Variants in ZBTB7C observed in about 807,000 individuals in gnomAD.
ZBTB7C encodes zinc finger and BTB domain containing 7C.
ZBTB7C carries 8 observed loss-of-function variants against 25.7 expected under a neutral mutation model. The observed-to-expected ratio is 0.31, with a 90% CI of 0.18 to 0.56. ZBTB7C has a LOEUF of 0.56. Among genes scored for constraint, ZBTB7C ranks in the 20% least tolerant of loss-of-function variants. ZBTB7C has a pLI of 0.91. For synonymous variants in ZBTB7C, 394 were observed against 369.0 expected, an observed-to-expected ratio of 1.07 and a Z score of -0.78; for missense variants, 824 against 855.2, an observed-to-expected ratio of 0.96 and a Z score of 0.46.
chr18:48,164,810 A>G (rs9947155), intron 3 of ZBTB7C, among the ~76,000 whole-genome samples: 110,152 of 152,014 alleles, frequency 0.72, 40,478 homozygotes, highest in African/African-American at 0.84. Context: ...CCTACTGTAT[A>G]CTAGATACTG....
chr18:48,065,177 G>T (rs1294090697), intron 3 of ZBTB7C, among the ~76,000 whole-genome samples: 1 of 152,062 alleles, frequency 6.6e-6, no homozygotes, highest in Non-Finnish European at 1.5e-5. Context: ...CAGCTGGCTG[G>T]ACCCCGCTGC....
At chr18:48,265,644 T>G (rs8090905) in intron 2 of ZBTB7C, among the ~76,000 whole-genome samples, 52,740 of 152,050 alleles carry the variant, frequency 0.35, 9,514 homozygotes, top group Admixed American at 0.42. Flanking sequence ...ACTCACAATA[T>G]GAAGGACATG....
intron 3 of ZBTB7C, among the ~76,000 whole-genome samples, chr18:48,108,939 A>C (rs1246680247): frequency 2.0e-5 from 3 of 152,030 alleles, no homozygotes; most frequent in Non-Finnish European, 4.4e-5. Context: ...CTGTATGAAA[A>C]AGTGGGGAGA....
At chr18:48,077,622 G>A (rs1013847500) in intron 3 of ZBTB7C, among the ~76,000 whole-genome samples, 1 of 152,228 alleles carries the variant, frequency 6.6e-6, no homozygotes, top group African/African-American at 2.4e-5. Context: ...GGTCACCAAA[G>A]AGGGTAGCTG....
Position 48,339,710 on chromosome 18 carries a change from T to TG in ZBTB7C, c.-303-1313dup, listed in dbSNP as rs1344170236. ...GGACATTGGCCTGTTTGCCCTGCTA[T>TG]GGGGGGATGGGGAGAAGAGGAGAAC... On this transcript the variant is annotated intron_variant, in intron 1 of 4. Transcript: ENST00000590800. Among the ~76,000 whole-genome samples, 3 of 151,648 alleles carry TG rather than the reference T, an allele frequency of 2.0e-5. No individual in the cohort carries two copies. The East Asian group carries it at 5.8e-4, about 29-fold the overall frequency.
At chr18:48,325,906 T>C (rs1050722775) in intron 2 of ZBTB7C, among the ~76,000 whole-genome samples, 10 of 151,990 alleles carry the variant, frequency 6.6e-5, no homozygotes, top group Admixed American at 1.3e-4. Flanking sequence ...TCAGGACCCA[T>C]AAGTCTTCAC....
chr18:48,313,866 T>C (rs552491180), intron 2 of ZBTB7C, among the ~76,000 whole-genome samples: 14 of 152,194 alleles, frequency 9.2e-5, no homozygotes, highest in African/African-American at 2.6e-4. Flanking sequence ...TACTGGATCA[T>C]AGGCAGAACA....
At chr18:48,316,091 C>T (rs753584534) in intron 2 of ZBTB7C, among the ~76,000 whole-genome samples, 2 of 152,182 alleles carry the variant, frequency 1.3e-5, no homozygotes, top group Non-Finnish European at 2.9e-5. Flanking sequence ...CACCATCAAC[C>T]ACCTGGACAC....
chr18:48,130,533 A>G (rs926993568), intron 3 of ZBTB7C, among the ~76,000 whole-genome samples: 3 of 152,192 alleles, frequency 2.0e-5, no homozygotes, highest in African/African-American at 7.2e-5. Context: ...GACTCTGCTA[A>G]TCCTCCTCCG....
At chr18:48,109,739 T>C (rs61199009) in intron 3 of ZBTB7C, among the ~76,000 whole-genome samples, 21,572 of 152,066 alleles carry the variant, frequency 0.14, 4,126 homozygotes, top group African/African-American at 0.44. Context: ...GTGCATTTCC[T>C]ATATGCCCAA....
chr18:48,369,732 G>A (rs1237658715), intron 1 of ZBTB7C, among the ~76,000 whole-genome samples: 2 of 152,138 alleles, frequency 1.3e-5, no homozygotes, highest in Non-Finnish European at 2.9e-5. Context: ...AAACAATAGA[G>A]TTGCAAAATA....
intron 3 of ZBTB7C, among the ~76,000 whole-genome samples, chr18:48,077,662 C>T (rs372789448): frequency 2.6e-5 from 4 of 152,272 alleles, no homozygotes; most frequent in African/African-American, 7.2e-5. Context: ...ACGTGGAAGT[C>T]GGGGTAAGTG....
At chr18:48,126,856 G>A (rs561949029) in intron 3 of ZBTB7C, among the ~76,000 whole-genome samples, 23 of 143,746 alleles carry the variant, frequency 1.6e-4, no homozygotes, top group African/African-American at 4.7e-4. Context: ...CTACCTTTCC[G>A]CCTGGGCCCA....
chr18:48,399,018 A>C (rs963957371), intron 1 of ZBTB7C, among the ~76,000 whole-genome samples: 1 of 152,244 alleles, frequency 6.6e-6, no homozygotes, highest in Non-Finnish European at 1.5e-5. Flanking sequence ...AAAAGACTGG[A>C]AACAACTGAA....
intron 3 of ZBTB7C, among the ~76,000 whole-genome samples, chr18:48,042,505 T>C (rs2144173946): frequency 6.6e-6 from 1 of 152,244 alleles, no homozygotes; most frequent in South Asian, 2.1e-4. Flanking sequence ...CCTTACACAT[T>C]TATCTTCTGG....
chr18:48,378,891 T>C (rs2047579032), intron 1 of ZBTB7C, among the ~76,000 whole-genome samples: 1 of 152,044 alleles, frequency 6.6e-6, no homozygotes. Context: ...AAGACAGAGA[T>C]GGAAAAGAGG....
chr18:48,262,290 G>A (rs913220380), intron 2 of ZBTB7C, among the ~76,000 whole-genome samples: 8 of 152,196 alleles, frequency 5.3e-5, no homozygotes, highest in African/African-American at 1.9e-4. Flanking sequence ...AGCCTCAGGA[G>A]AGTTCAGTGA....
chr18:48,247,342 C>G (rs1463864997), intron 2 of ZBTB7C, among the ~76,000 whole-genome samples: 3 of 151,964 alleles, frequency 2.0e-5, no homozygotes, highest in Non-Finnish European at 4.4e-5. Flanking sequence ...ATAAAGACAC[C>G]CCAATGGAAA....
At chr18:48,213,524 A>G (rs1220793445) in intron 2 of ZBTB7C, among the ~76,000 whole-genome samples, 1 of 152,202 alleles carries the variant, frequency 6.6e-6, no homozygotes. Context: ...TCCCCATGAT[A>G]ACAGATCTGT....
Sources: gnomAD v4.1 joint callset for allele counts (sites outside exome capture counted in the v4.1 genomes callset) on GRCh38, gnomAD v4.1.1 for gene constraint, MANE v1.5 for transcripts, NCBI Gene and HGNC (gene_info 2026-07-23, HGNC 2026-07-21) for gene names.